The following MAP4K5 variants were observed in gnomAD, a reference collection of about 807,000 sequenced individuals.
MAP4K5 encodes the protein mitogen-activated protein kinase kinase kinase kinase 5, also known as MAPK/ERK kinase kinase kinase 5.
MAP4K5 carries 82 observed loss-of-function variants against 135.6 expected under a neutral mutation model. The observed-to-expected ratio is 0.60, with a 90% confidence interval of 0.51 to 0.73. The LOEUF (loss-of-function observed/expected upper bound fraction) is 0.73. Ranked by LOEUF, MAP4K5 falls within the 30% of genes least tolerant of loss-of-function variation. The pLI is 0.00. For missense variants in MAP4K5, 907 were observed against 1,010.9 expected, an observed-to-expected ratio of 0.90 and a Z score of 1.39; for synonymous variants, 347 against 335.0, an observed-to-expected ratio of 1.04 and a Z score of -0.39.
chr14:50,518,103 T>C (rs1200307444), intron 2 of MAP4K5, among the ~76,000 whole-genome samples: 1 of 152,152 alleles, frequency 6.6e-6, no homozygotes, highest in East Asian at 1.9e-4. Flanking sequence ...AAGTTTTCTC[T>C]AGCAATTAAA....
chr14:50,486,946 A>C (rs2037375656), intron 3 of MAP4K5, among the ~76,000 whole-genome samples: 1 of 152,206 alleles, frequency 6.6e-6, no homozygotes, highest in Admixed American at 6.5e-5. Flanking sequence ...AGAAAAACAT[A>C]CAAGGCCAAG....
intron 1 of MAP4K5, among the ~76,000 whole-genome samples, chr14:50,554,833 C>G (rs1307115653): frequency 3.3e-5 from 5 of 152,156 alleles, no homozygotes; most frequent in Admixed American, 3.3e-4. Flanking sequence ...CTGAGTCATT[C>G]TTCAGTCTCT....
chr14:50,532,061 GC>G lies in MAP4K5; in HGVS notation c.-13del. 6.6e-7 allele frequency: 1 copy of G among 1,517,214 alleles called. No individual in the cohort carries two copies. Among genetic ancestry groups the G allele is most frequent in the South Asian group, 1.2e-5 (1 of 83,890 alleles). The allele number at this position is 1,517,214 out of a possible 1,614,324, so 94.0% of individuals were successfully genotyped here. A position where few individuals can be genotyped will look rare whatever the true frequency, so the allele number is the denominator to read the frequency against. ...AGCGGGGCCTCCATCTTCACTTAGG[GC>G]CCGGCCCCCGCCAGCTCACCCCGCG... is the stretch of plus-strand genomic sequence containing the variant. On this transcript the variant is annotated 5_prime_UTR_variant, in exon 2 of 33. Coordinates refer to ENST00000682126, the MANE Select transcript of MAP4K5 (RefSeq NM_006575.6).
chr14:50,515,602 T>C (rs148190780), intron 2 of MAP4K5, among the ~76,000 whole-genome samples: 1 of 152,258 alleles, frequency 6.6e-6, no homozygotes, highest in East Asian at 1.9e-4. Context: ...TAACAGTTAC[T>C]AGAAAAAAAA....
intron 4 of MAP4K5, 107 bp from the exon 5 acceptor site, chr14:50,485,749 G>C: frequency 1.5e-6 from 1 of 661,664 alleles, no homozygotes; most frequent in East Asian, 2.8e-5. Flanking sequence ...GGACTGTGAA[G>C]TGCAACAGGA....
intron 2 of MAP4K5, among the ~76,000 whole-genome samples, chr14:50,513,490 A>G (rs1263212462): frequency 6.6e-6 from 1 of 152,218 alleles, no homozygotes. Context: ...CATTTTACCT[A>G]CAAGGTTTCA....
chr14:50,468,912 TTACTAAG>T (rs2036894175), intron 9 of MAP4K5, 130 bp from the exon 10 acceptor site: 1 of 725,140 alleles, frequency 1.4e-6, no homozygotes. Context: ...AGAAGAAACA[TTACTAAG>T]TAAAGGCTTA....
At chr14:50,479,338 A>G (rs1335080897) in intron 6 of MAP4K5, among the ~76,000 whole-genome samples, 2 of 152,218 alleles carry the variant, frequency 1.3e-5, no homozygotes, top group East Asian at 1.9e-4. Context: ...TTCATTTTGA[A>G]TATTTTCCAC....
At chr14:50,557,168 A>G (rs2140168592) in intron 1 of MAP4K5, among the ~76,000 whole-genome samples, 1 of 152,320 alleles carries the variant, frequency 6.6e-6, no homozygotes, top group East Asian at 1.9e-4. Context: ...CTTTTTGATT[A>G]TAGTCATCAT....
intron 13 of MAP4K5, among the ~76,000 whole-genome samples, chr14:50,458,641 G>A (rs2036642869): frequency 6.6e-6 from 1 of 151,850 alleles, no homozygotes; most frequent in African/African-American, 2.4e-5. Context: ...CTTTGCTATT[G>A]CTCTTTGCCT....
chr14:50,538,921 G>A (rs1490897291), intron 2 of MAP4K5, among the ~76,000 whole-genome samples: 1 of 152,212 alleles, frequency 6.6e-6, no homozygotes, highest in Non-Finnish European at 1.5e-5. Context: ...CTGGCCTCAA[G>A]CAATCGACCT....
chr14:50,555,675 C>A (rs1329320374), intron 1 of MAP4K5, among the ~76,000 whole-genome samples: 1 of 152,154 alleles, frequency 6.6e-6, no homozygotes, highest in Non-Finnish European at 1.5e-5. Context: ...TGTCTTATTT[C>A]AGCCGTTGTA....
At chr14:50,450,780 C>A (rs1027160617) in intron 14 of MAP4K5, among the ~76,000 whole-genome samples, 1 of 152,156 alleles carries the variant, frequency 6.6e-6, no homozygotes, top group African/African-American at 2.4e-5. Context: ...TAAAACCTGA[C>A]ACAAGCCTTG....
At chr14:50,449,266 T>G (rs1474773954) in intron 14 of MAP4K5, 1 of 155,008 alleles carries the variant, frequency 6.5e-6, no homozygotes, top group Non-Finnish European at 1.4e-5. Flanking sequence ...CAATTAAATG[T>G]CACAATGGCA....
At chr14:50,502,975 C>T (rs1008631676) in intron 3 of MAP4K5, among the ~76,000 whole-genome samples, 3 of 151,344 alleles carry the variant, frequency 2.0e-5, no homozygotes, top group Admixed American at 2.0e-4. Flanking sequence ...GAAGAAATTA[C>T]AGTTCAAAAT....
intron 1 of MAP4K5, among the ~76,000 whole-genome samples, chr14:50,554,732 G>A (rs2038744349): frequency 6.6e-6 from 1 of 152,214 alleles, no homozygotes; most frequent in African/African-American, 2.4e-5. Context: ...GAGATGGGAG[G>A]TGGCATGGAT....
chr14:50,442,483 C>T (rs1444255165), intron 21 of MAP4K5, among the ~76,000 whole-genome samples: 3 of 151,990 alleles, frequency 2.0e-5, no homozygotes, highest in African/African-American at 7.2e-5. Flanking sequence ...AAAGAAAATT[C>T]TAAATTAAGG....
intron 11 of MAP4K5, 53 bp from the exon 12 acceptor site, chr14:50,464,186 G>T: frequency 1.1e-6 from 1 of 875,376 alleles, no homozygotes; most frequent in Non-Finnish European, 1.8e-6. Context: ...ACGTTTCGGT[G>T]TTAGTAAATA....
chr14:50,440,471 T>C lies in MAP4K5; in HGVS notation c.1565-30A>G. 3.4e-6 allele frequency: 4 copies of C among 1,163,090 alleles called. No homozygotes were observed. The South Asian group carries it at 6.0e-5, about 18-fold the overall frequency. 72.0% of individuals were successfully genotyped at this position (1,163,090 alleles called of 1,614,324 possible). ...AATAGTTGAGATAAATCACCAGAAT[T>C]TACCATCATCTTCTGAAATCATTCA... On this transcript the variant is annotated intron_variant, in intron 21 of 32. Coordinates refer to ENST00000682126, the MANE Select transcript of MAP4K5 (RefSeq NM_006575.6).
Sources: gnomAD v4.1 joint callset for allele counts (sites outside exome capture counted in the v4.1 genomes callset) on GRCh38, gnomAD v4.1.1 for gene constraint, MANE v1.5 for transcripts, NCBI Gene and HGNC (gene_info 2026-07-23, HGNC 2026-07-21) for gene names.